Variants in AFF2 observed in about 807,000 individuals in gnomAD.
AFF2 encodes AF4/FMR2 family member 2.
A neutral mutation model predicts 76.9 loss-of-function variants in AFF2; 14 were observed. The observed-to-expected ratio is 0.18, with a 90% CI of 0.12 to 0.28. The LOEUF is 0.28. AFF2 is among the 10% of genes least tolerant of loss of function. The pLI is 1.00. For synonymous variants in AFF2, 398 were observed against 366.7 expected (o/e 1.09, Z -0.98); for missense variants, 868 against 1,001.1 (o/e 0.87, Z 1.79).
chrX:148,947,830 T>G (rs1284231150), intron 9 of AFF2, among the ~76,000 whole-genome samples: 3 of 112,555 alleles, frequency 2.7e-5, no homozygotes, highest in African/African-American at 3.2e-5. Context: ...GAAACCATTC[T>G]AAATTACCTA....
chrX:148,853,985 G>A (rs2070760032), intron 7 of AFF2, among the ~76,000 whole-genome samples: 1 of 111,962 alleles, frequency 8.9e-6, no homozygotes, highest in Admixed American at 9.5e-5. Context: ...TTAGAGAATG[G>A]GATTTGGGAC....
intron 11 of AFF2, among the ~76,000 whole-genome samples, chrX:148,957,153 A>G (rs1557287492): frequency 8.9e-6 from 1 of 111,837 alleles, no homozygotes; most frequent in Non-Finnish European, 1.9e-5. Context: ...TTTCATTTGA[A>G]CTATGTCTAG....
intron 1 of AFF2, among the ~76,000 whole-genome samples, chrX:148,612,601 A>G (rs1170853734): frequency 2.7e-5 from 3 of 112,022 alleles, no homozygotes; most frequent in South Asian, 3.6e-4. Context: ...CACCAGACCA[A>G]TCCTAGGTTT....
intron 4 of AFF2, among the ~76,000 whole-genome samples, chrX:148,818,067 T>C (rs1302710640): frequency 8.9e-6 from 1 of 111,888 alleles, no homozygotes; most frequent in Admixed American, 9.5e-5. Flanking sequence ...ATGTTCTTTA[T>C]ACCACTATCA....
intron 7 of AFF2, among the ~76,000 whole-genome samples, chrX:148,861,905 G>T (rs1557276441): frequency 9.0e-6 from 1 of 110,946 alleles, no homozygotes; most frequent in African/African-American, 3.3e-5. Context: ...AATATGGAGG[G>T]TGTTCTGAAA....
chrX:148,970,052 G>T (rs782699310), intron 15 of AFF2, among the ~76,000 whole-genome samples: 3 of 111,937 alleles, frequency 2.7e-5, no homozygotes. Context: ...GTCACTTTCA[G>T]AAATCAGGAT....
In AFF2 at chrX:148,885,994, A is replaced by G. The variant is rs2071154715; in HGVS notation, c.1359+9A>G. The G allele has an allele frequency of 2.5e-6, 3 of 1,180,490 alleles. No individual in the cohort carries two copies. The highest frequency in any genetic ancestry group is 2.3e-6 in the Non-Finnish European group (2 of 867,795). On this transcript the variant is annotated intron_variant, in intron 8 of 20. Coordinates refer to ENST00000370460, the MANE Select transcript of AFF2 (RefSeq NM_002025.4). ...CCACTGAGCTCTACCAGGTTAGAAG[A>G]GCTTAGGGCTTTGTTTTGGGATGAA...
At chrX:148,713,884 T>C (rs2054998154) in intron 3 of AFF2, among the ~76,000 whole-genome samples, 1 of 111,869 alleles carries the variant, frequency 8.9e-6, no homozygotes, top group Non-Finnish European at 1.9e-5. Flanking sequence ...AATGAGTTAA[T>C]CTTAGTCTGT....
At chrX:148,522,038 A>G (rs781798933) in intron 1 of AFF2, among the ~76,000 whole-genome samples, 1 of 112,152 alleles carries the variant, frequency 8.9e-6, no homozygotes. Context: ...GTGAGCCAAA[A>G]TCTTTCCCCT....
intron 1 of AFF2, 31 bp downstream of exon 1, chrX:148,501,175 T>C (rs781860148): frequency 6.7e-5 from 81 of 1,205,400 alleles, no homozygotes; most frequent in Non-Finnish European, 9.0e-5. Flanking sequence ...TCTCCTTTGA[T>C]GAGCGAGTCT....
chrX:148,911,793 G>A (rs1041671582), intron 9 of AFF2, among the ~76,000 whole-genome samples: 8 of 112,285 alleles, frequency 7.1e-5, no homozygotes, highest in African/African-American at 2.6e-4. Flanking sequence ...TGGTGGGAGT[G>A]TAAATTAGTT....
At position 148,868,313 on chromosome X, in the gene AFF2, G is replaced by C. The variant is rs1255805876; in HGVS notation, c.1263-17576G>C. 2.7e-5 allele frequency among the ~76,000 whole-genome samples: 3 copies of C among 111,822 alleles called. No homozygotes were observed. In the East Asian group the frequency reaches 8.5e-4, roughly 32 times the overall value. ...GGCCACAAAAATCTGCAGACTCCAT[G>C]CATCCCAATAGTGATTTTCAGAGAC... is the stretch of plus-strand genomic sequence containing the variant. On this transcript the variant is annotated intron_variant, in intron 7 of 20. Transcript: ENST00000370460.
chrX:148,935,492 A>T (rs2071764456), intron 9 of AFF2, among the ~76,000 whole-genome samples: 1 of 110,825 alleles, frequency 9.0e-6, no homozygotes, highest in South Asian at 3.8e-4. Context: ...TTTCTATATC[A>T]GTAGCTCATT....
chrX:148,630,871 G>A (rs1262866616), intron 1 of AFF2, among the ~76,000 whole-genome samples: 2 of 111,824 alleles, frequency 1.8e-5, no homozygotes, highest in Non-Finnish European at 3.8e-5. Context: ...GTGAGCTGAG[G>A]TTCTTACTTA....
intron 7 of AFF2, among the ~76,000 whole-genome samples, chrX:148,855,252 G>A (rs782356885): frequency 1.8e-5 from 2 of 111,247 alleles, no homozygotes; most frequent in Non-Finnish European, 3.8e-5. Context: ...TAAGGAGACT[G>A]TGATAGTGAC....
At chrX:148,560,142 A>G (rs1263020229) in intron 1 of AFF2, among the ~76,000 whole-genome samples, 1 of 111,378 alleles carries the variant, frequency 9.0e-6, no homozygotes, top group African/African-American at 3.3e-5. Context: ...TTTTTCTTCA[A>G]ACTATACTAC....
chrX:148,892,709 C>T (rs1158589415), intron 8 of AFF2, among the ~76,000 whole-genome samples: 1 of 111,972 alleles, frequency 8.9e-6, no homozygotes, highest in African/African-American at 3.3e-5. Context: ...TCAGCTGGCT[C>T]TTTTGAAGTT....
rs144530268 is a variant in AFF2, at chrX:148,662,344, T to C, written c.617T>C (p.Ile206Thr). Residue 206 changes from isoleucine to threonine, a missense_variant, in exon 3 of 21, where the codon ATT (isoleucine) becomes ACT (threonine). Physicochemically the swap from Ile to Thr is moderately conservative, Grantham distance 89. Around this residue, in one of 6 missense-constraint regions of AFF2, gnomAD observed 196 missense variants for 194.8 expected, o/e 1.01. Transcript: ENST00000370460. ...FFVYPAEQPQ[I>T]GEVEESNPSA... ...GTCTACCCAGCTGAACAGCCCCAGATTGGAGAAGTTGAAGAGTCAAACCCA... is the reference window on the plus strand; with the variant it reads ...GTCTACCCAGCTGAACAGCCCCAGACTGGAGAAGTTGAAGAGTCAAACCCA... 3 of 1,211,614 alleles carry C rather than the reference T, an allele frequency of 2.5e-6. No homozygotes were observed. The highest frequency in any genetic ancestry group is 3.4e-6 in the Non-Finnish European group (3 of 895,362).
At chrX:148,811,032 A>G (rs1461484999) in intron 4 of AFF2, among the ~76,000 whole-genome samples, 5 of 111,359 alleles carry the variant, frequency 4.5e-5, no homozygotes, top group African/African-American at 1.6e-4. Flanking sequence ...TGATGTACAC[A>G]TTCGTGCACC....
Sources: gnomAD v4.1 joint callset for allele counts (sites outside exome capture counted in the v4.1 genomes callset) on GRCh38, gnomAD v4.1.1 for gene constraint, gnomAD v4.1.1 regional missense constraint, MANE v1.5 for transcripts, NCBI Gene and HGNC (gene_info 2026-07-23, HGNC 2026-07-21) for gene names.